SUSD6: variants seen among roughly 807,000 people sequenced by gnomAD.
SUSD6 encodes sushi domain containing 6, also known as sushi domain-containing protein 6.
In SUSD6, 16 loss-of-function variants were observed where a neutral mutation model predicts 28.4. That is an observed-to-expected ratio of 0.56 (90% CI 0.38 to 0.86). SUSD6 has a LOEUF of 0.86. Among genes scored for constraint, SUSD6 ranks in the 40% least tolerant of loss-of-function variants. The pLI is 0.00. For missense variants in SUSD6, 341 were observed against 384.2 expected (o/e 0.89, Z 0.94); for synonymous variants, 147 against 159.6 (o/e 0.92, Z 0.59).
At chr14:69,629,669 A>T (rs1221275780) in intron 1 of SUSD6, among the ~76,000 whole-genome samples, 1 of 152,198 alleles carries the variant, frequency 6.6e-6, no homozygotes, top group Non-Finnish European at 1.5e-5. Context: ...TTTCTGTTCA[A>T]GTTGGCCAGG....
Position 69,619,828 on chromosome 14 carries a change from G to C in SUSD6, c.-81+8000G>C, listed in dbSNP as rs148820153. On this transcript the variant is annotated intron_variant, in intron 1 of 5. Transcript: ENST00000342745. ...CCCAGGCCAATGGGATGTGTGCTCT[G>C]TCTGGGAGAACTGATCCCACACCTA... is the stretch of plus-strand genomic sequence containing the variant. Among the ~76,000 whole-genome samples, 12 of 152,140 alleles carry C rather than the reference G, an allele frequency of 7.9e-5. No homozygotes were observed. In the East Asian group the frequency reaches 1.7e-3, roughly 22 times the overall value.
In SUSD6 at chr14:69,622,204, G is replaced by A. The variant is rs186047642; in HGVS notation, c.-81+10376G>A. 3.5e-4 allele frequency among the ~76,000 whole-genome samples: 53 copies of A among 152,042 alleles called. No homozygotes were observed. The East Asian group carries it at 8.5e-3, about 24-fold the overall frequency. On this transcript the variant is annotated intron_variant, in intron 1 of 5. Transcript: ENST00000342745. ...TTTTGAAACAGGGTCTTGTTCTGTC[G>A]CCCAGGCTAGAGTGTAGTGGTACCA...
intron 2 of SUSD6, among the ~76,000 whole-genome samples, chr14:69,693,284 AG>A (rs369591086): frequency 1.0e-3 from 153 of 152,122 alleles, no homozygotes; most frequent in African/African-American, 3.6e-3. Context: ...TAACAGTGGG[AG>A]GGGGAGGGGT....
chr14:69,654,737 C>A (rs1443310331), intron 1 of SUSD6, among the ~76,000 whole-genome samples: 2 of 151,340 alleles, frequency 1.3e-5, no homozygotes, highest in Non-Finnish European at 1.5e-5. Context: ...CCACTCAGTT[C>A]CCCTCCCTGA....
At chr14:69,700,971 A>G (rs1309794602) in intron 2 of SUSD6, among the ~76,000 whole-genome samples, 1 of 152,218 alleles carries the variant, frequency 6.6e-6, no homozygotes, top group East Asian at 1.9e-4. Flanking sequence ...ACTGGAGAGT[A>G]TGTTTATAAA....
intron 2 of SUSD6, among the ~76,000 whole-genome samples, chr14:69,691,433 T>C (rs1886151448): frequency 6.6e-6 from 1 of 152,186 alleles, no homozygotes; most frequent in East Asian, 1.9e-4. Context: ...GTTTTGCTGA[T>C]TTGGGGCCAT....
intron 4 of SUSD6, among the ~76,000 whole-genome samples, chr14:69,708,342 G>T (rs1209046847): frequency 6.6e-6 from 1 of 152,102 alleles, no homozygotes; most frequent in African/African-American, 2.4e-5. Context: ...TTTTCCACAG[G>T]GTAAAAGGGC....
At chr14:69,640,180 G>C (rs992934722) in intron 1 of SUSD6, among the ~76,000 whole-genome samples, 21 of 151,202 alleles carry the variant, frequency 1.4e-4, no homozygotes, top group African/African-American at 4.9e-4. Flanking sequence ...CTGAAGAATG[G>C]GGTCAAAGCC....
chr14:69,631,906 T>G (rs1426486731), intron 1 of SUSD6, among the ~76,000 whole-genome samples: 5 of 152,146 alleles, frequency 3.3e-5, no homozygotes, highest in Admixed American at 2.6e-4. Flanking sequence ...TCTAGGGTGG[T>G]CAGAATCTGT....
intron 2 of SUSD6, among the ~76,000 whole-genome samples, chr14:69,666,079 G>A (rs1885735359): frequency 6.6e-6 from 1 of 152,168 alleles, no homozygotes; most frequent in African/African-American, 2.4e-5. Flanking sequence ...ACAGACTCAG[G>A]TTGGAACGTG....
chr14:69,674,171 C>A (rs538562721), intron 2 of SUSD6, among the ~76,000 whole-genome samples: 1 of 152,274 alleles, frequency 6.6e-6, no homozygotes, highest in South Asian at 2.1e-4. Context: ...GCATCACTGT[C>A]GTGCCTGCCT....
At chr14:69,677,881 A>G (rs988379995) in intron 2 of SUSD6, among the ~76,000 whole-genome samples, 7 of 152,248 alleles carry the variant, frequency 4.6e-5, no homozygotes, top group Non-Finnish European at 1.5e-5. Flanking sequence ...ATTAACACTT[A>G]TAAACATGTA....
chr14:69,638,423 AGT>A (rs10637124), intron 1 of SUSD6, among the ~76,000 whole-genome samples: 3,351 of 139,194 alleles, frequency 0.024, 91 homozygotes, highest in African/African-American at 0.066. Flanking sequence ...TGGGGTGGGG[AGT>A]GTGTGTGTGT....
intron 2 of SUSD6, among the ~76,000 whole-genome samples, chr14:69,695,255 A>G (rs938511443): frequency 1.2e-4 from 18 of 152,160 alleles, no homozygotes; most frequent in Admixed American, 9.8e-4. Context: ...AGCCCCAGGT[A>G]TCTCTTAAGT....
chr14:69,656,736 G>A (rs1351004113), intron 1 of SUSD6, among the ~76,000 whole-genome samples: 1 of 152,216 alleles, frequency 6.6e-6, no homozygotes, highest in Non-Finnish European at 1.5e-5. Flanking sequence ...TTACAGATGA[G>A]GAGACTAAGG....
At chr14:69,622,487 TCTC>T (rs1332921778) in intron 1 of SUSD6, among the ~76,000 whole-genome samples, 1 of 152,180 alleles carries the variant, frequency 6.6e-6, no homozygotes, top group Non-Finnish European at 1.5e-5. Context: ...GTTAGTCTCT[TCTC>T]CTCATAGATT....
At chr14:69,687,662 C>T (rs1335205995) in intron 2 of SUSD6, among the ~76,000 whole-genome samples, 1 of 152,236 alleles carries the variant, frequency 6.6e-6, no homozygotes, top group Non-Finnish European at 1.5e-5. Context: ...ACATTCCACA[C>T]TGGGGTACTA....
chr14:69,674,860 A>C (rs1276122801), intron 2 of SUSD6, among the ~76,000 whole-genome samples: 5 of 152,198 alleles, frequency 3.3e-5, no homozygotes, highest in Non-Finnish European at 2.9e-5. Context: ...CAGCCTGGGC[A>C]ACTTTCAGGT....
At chr14:69,660,393 A>G (rs1311545482) in intron 2 of SUSD6, among the ~76,000 whole-genome samples, 2 of 152,122 alleles carry the variant, frequency 1.3e-5, no homozygotes, top group East Asian at 3.9e-4. Context: ...TTTTCCCCCT[A>G]GGCATGAGGA....
Sources: gnomAD v4.1 joint callset for allele counts (sites outside exome capture counted in the v4.1 genomes callset) on GRCh38, gnomAD v4.1.1 for gene constraint, MANE v1.5 for transcripts, NCBI Gene and HGNC (gene_info 2026-07-23, HGNC 2026-07-21) for gene names.